The following MAST4 variants were observed in gnomAD, a reference collection of about 807,000 sequenced individuals.
The protein encoded by MAST4 is microtubule associated serine/threonine kinase family member 4.
MAST4 carries 89 observed loss-of-function variants against 162.7 expected under a neutral mutation model. The observed-to-expected ratio is 0.55, with a 90% CI of 0.46 to 0.65. The LOEUF (loss-of-function observed/expected upper bound fraction) is 0.65, where lower values mean the gene tolerates loss of function less well. Ranked by LOEUF, MAST4 falls within the 30% of genes least tolerant of loss-of-function variation. The probability of loss-of-function intolerance (pLI) is 0.00; values close to 1 mark genes in which losing one functional copy is unlikely to be tolerated. For synonymous variants in MAST4, 1,479 were observed against 1,361.1 expected, an observed-to-expected ratio of 1.09 and a Z score of -1.91; for missense variants, 3,153 against 3,374.0, an observed-to-expected ratio of 0.93 and a Z score of 1.62.
At chr5:67,044,706 T>C (rs1290609139) in intron 4 of MAST4, among the ~76,000 whole-genome samples, 1 of 151,834 alleles carries the variant, frequency 6.6e-6, no homozygotes, top group African/African-American at 2.4e-5. Context: ...TAGAGTGGGG[T>C]TTCCCTATGT....
chr5:66,734,655 A>G (rs1436153883), intron 1 of MAST4, among the ~76,000 whole-genome samples: 1 of 152,208 alleles, frequency 6.6e-6, no homozygotes, highest in Non-Finnish European at 1.5e-5. Context: ...TATATTCTGC[A>G]GTGTCCAGTA....
intron 1 of MAST4, among the ~76,000 whole-genome samples, chr5:66,673,040 T>C (rs4374700): frequency 0.53 from 80,622 of 151,912 alleles, 22,636 homozygotes; most frequent in African/African-American, 0.71. Context: ...CTAATTACCA[T>C]TGTTTGAGCA....
At chr5:67,154,881 T>A (rs1581744706) in intron 26 of MAST4, among the ~76,000 whole-genome samples, 1 of 152,248 alleles carries the variant, frequency 6.6e-6, no homozygotes, top group African/African-American at 2.4e-5. Flanking sequence ...CCAGTGACTC[T>A]TGAAATCAGA....
chr5:67,046,151 C>T (rs912999791), intron 4 of MAST4, among the ~76,000 whole-genome samples: 1 of 152,110 alleles, frequency 6.6e-6, no homozygotes, highest in African/African-American at 2.4e-5. Context: ...GCAGTAGGCT[C>T]TACCATCTAG....
At chr5:67,048,459 A>G (rs1431008377) in intron 4 of MAST4, among the ~76,000 whole-genome samples, 1 of 152,206 alleles carries the variant, frequency 6.6e-6, no homozygotes, top group African/African-American at 2.4e-5. Flanking sequence ...CATGTATCAA[A>G]TATTTTGTTT....
intron 13 of MAST4, among the ~76,000 whole-genome samples, 193 bp downstream of exon 13, chr5:67,118,942 G>A (rs879261070): frequency 2.3e-4 from 35 of 152,286 alleles, no homozygotes; most frequent in African/African-American, 7.9e-4. Context: ...GCCATAGTCT[G>A]TCCAGTCCCA....
intron 10 of MAST4, among the ~76,000 whole-genome samples, chr5:67,107,570 C>G (rs965038187): frequency 1.1e-4 from 17 of 152,158 alleles, no homozygotes; most frequent in Non-Finnish European, 2.1e-4. Context: ...GGGGCCTGCC[C>G]TTTTTAGATA....
intron 2 of MAST4, among the ~76,000 whole-genome samples, chr5:66,760,206 C>A (rs867676978): frequency 6.7e-6 from 1 of 148,492 alleles, no homozygotes; most frequent in East Asian, 2.2e-4. Flanking sequence ...ACCTCCGCCT[C>A]CCAGGTTCAA....
At chr5:66,963,269 A>C (rs1486314930) in intron 4 of MAST4, among the ~76,000 whole-genome samples, 1 of 152,240 alleles carries the variant, frequency 6.6e-6, no homozygotes, top group East Asian at 1.9e-4. Flanking sequence ...TTTTCCTTGC[A>C]AAAGTGCTTA....
chr5:67,164,408 C>T lies in MAST4; in HGVS notation c.5229C>T (p.Ser1743=). The change falls in exon 29 of 29, where the codon AGC becomes AGT. Residue 1743 remains serine (S), a synonymous_variant. Coordinates refer to ENST00000403625, the MANE Select transcript of MAST4 (RefSeq NM_001164664.2). The surrounding 1 kb of genome is among the most constrained non-coding windows in gnomAD (Gnocchi z 5.3). Reference sequence around the variant, plus strand: ...CTTCTGAGAGCCGAGCTTTTGTCAGCAGCACCCATGCAGCTCAGATGAGTG... The same window carrying T: ...CTTCTGAGAGCCGAGCTTTTGTCAGTAGCACCCATGCAGCTCAGATGAGTG... ...PPASESRAFV[S]STHAAQMSAV... 6.2e-7 allele frequency: 1 copy of T among 1,614,042 alleles called. No homozygotes were observed. Among genetic ancestry groups the T allele is most frequent in the Non-Finnish European group, 8.5e-7 (1 of 1,179,898 alleles).
At chr5:66,707,846 A>G (rs1189952561) in intron 1 of MAST4, among the ~76,000 whole-genome samples, 3 of 152,130 alleles carry the variant, frequency 2.0e-5, no homozygotes, top group South Asian at 2.1e-4. Flanking sequence ...TGTGGTAATG[A>G]ACAGTGGGTT....
chr5:66,626,108 G>A (rs1744410157), intron 1 of MAST4, among the ~76,000 whole-genome samples: 1 of 150,820 alleles, frequency 6.6e-6, no homozygotes, highest in Non-Finnish European at 1.5e-5. Flanking sequence ...GAAGCAGAGA[G>A]GAGAGTGGTT....
At chr5:67,011,353 C>T (rs1194383626) in intron 4 of MAST4, among the ~76,000 whole-genome samples, 1 of 152,182 alleles carries the variant, frequency 6.6e-6, no homozygotes, top group Non-Finnish European at 1.5e-5. Flanking sequence ...CATTTCCTCC[C>T]ACTCCTTGCT....
At chr5:67,049,398 A>G (rs1470059948) in intron 4 of MAST4, among the ~76,000 whole-genome samples, 3 of 152,112 alleles carry the variant, frequency 2.0e-5, no homozygotes, top group Non-Finnish European at 2.9e-5. Flanking sequence ...TTAGTTCATA[A>G]CATTTATGCA....
intron 1 of MAST4, among the ~76,000 whole-genome samples, chr5:66,749,415 C>T (rs995087971): frequency 2.2e-4 from 33 of 152,160 alleles, no homozygotes; most frequent in African/African-American, 7.2e-4. Context: ...CTCTGGAATA[C>T]AGGTATGAGC....
intron 3 of MAST4, among the ~76,000 whole-genome samples, chr5:66,898,652 G>A (rs1322094993): frequency 2.0e-5 from 3 of 152,170 alleles, no homozygotes; most frequent in African/African-American, 7.2e-5. Flanking sequence ...GAACCCTAGA[G>A]CCCTTGAAAA....
rs1040519069 is a variant in MAST4, at chr5:67,167,157, G to T, written c.*106G>T. ...TGTGTGGGAATGTCCGCCAGGCAGA[G>T]CTCGGAGCCTCATTGAGACAGGGGA... On this transcript the variant is annotated 3_prime_UTR_variant, in exon 29 of 29. Transcript: ENST00000403625. 3.0e-6 allele frequency: 3 copies of T among 983,800 alleles called. No homozygotes were observed. The highest frequency in any genetic ancestry group is 4.2e-6 in the Non-Finnish European group (3 of 713,236). 60.9% of individuals were successfully genotyped at this position (983,800 alleles called of 1,614,324 possible). A position where few individuals can be genotyped will look rare whatever the true frequency, so the allele number is the denominator to read the frequency against.
chr5:66,816,761 C>T lies in MAST4; in HGVS notation c.642+27967C>T, dbSNP rs529199270. Among the ~76,000 whole-genome samples, 3 of 152,276 alleles carry T rather than the reference C, an allele frequency of 2.0e-5. No homozygotes were observed. In the East Asian group the frequency reaches 5.8e-4, roughly 29 times the overall value. On this transcript the variant is annotated intron_variant, in intron 3 of 28. Transcript: ENST00000403625. ...CCCCCAGCTCCCCATCCATCCTCTA[C>T]CCCACTTAGAATTTCTGCTTCCATT... is the stretch of plus-strand genomic sequence containing the variant.
chr5:67,088,391 GT>G (rs1387443578), intron 5 of MAST4, among the ~76,000 whole-genome samples: 11 of 152,168 alleles, frequency 7.2e-5, no homozygotes, highest in South Asian at 2.1e-4. Flanking sequence ...TTTACTGGTA[GT>G]TTGCTCTTTA....
Sources: allele counts gnomAD v4.1 joint callset (sites outside exome capture counted in the v4.1 genomes callset), GRCh38; gene constraint gnomAD v4.1.1; non-coding constraint Gnocchi (gnomAD v3.1); transcripts MANE v1.5; gene names NCBI Gene and HGNC (gene_info 2026-07-23, HGNC 2026-07-21).